Variants in RAG1 observed in about 807,000 individuals in gnomAD.
RAG1 encodes the protein recombination activating 1.
RAG1 carries 35 observed loss-of-function variants against 62.7 expected under a neutral mutation model. That is an observed-to-expected ratio of 0.56 (90% CI 0.43 to 0.74). RAG1 has a LOEUF of 0.74. RAG1 is among the 30% of genes least tolerant of loss of function. The probability of loss-of-function intolerance (pLI) is 0.00; values close to 1 mark genes in which losing one functional copy is unlikely to be tolerated. For synonymous variants in RAG1, 461 were observed against 470.3 expected, an observed-to-expected ratio of 0.98 and a Z score of 0.26; for missense variants, 1,169 against 1,278.6, an observed-to-expected ratio of 0.91 and a Z score of 1.31.
At chr11:36,521,309 C>T (rs551497968) in intron 2 of RAG1, among the ~76,000 whole-genome samples, 6 of 152,088 alleles carry the variant, frequency 3.9e-5, no homozygotes, top group Admixed American at 6.5e-5. Flanking sequence ...GGGAGGGACC[C>T]GGTAAAAGAT....
chr11:36,564,997 T>G (rs534819841), upstream of RAG1, among the ~76,000 whole-genome samples: 41 of 152,306 alleles, frequency 2.7e-4, no homozygotes, highest in African/African-American at 9.6e-4. Context: ...TTCCCTTCTG[T>G]GACATTGAAC....
chr11:36,566,815 G>A (rs1850668597), upstream of RAG1, among the ~76,000 whole-genome samples: 3 of 152,186 alleles, frequency 2.0e-5, no homozygotes, highest in African/African-American at 7.2e-5. Context: ...GAGCAGCTGT[G>A]GCCCCAGGGC....
intron 3 of RAG1, among the ~76,000 whole-genome samples, chr11:36,551,751 T>TC (rs1453216945): frequency 7.8e-6 from 1 of 127,958 alleles, no homozygotes; most frequent in African/African-American, 2.9e-5. Context: ...ATGCTATCCC[T>TC]CCCCCCTCCC....
Position 36,575,646 on chromosome 11 carries a change from G to A in RAG1, c.2342G>A (p.Gly781Glu). ...SVEELRDRVK[G>E]VSAKPFIETV... is the part of the protein sequence containing the mutation. ...GAAGAACTGCGGGATCGGGTGAAAG[G>A]GGTCTCAGCTAAACCTTTCATTGAG... The change falls in exon 2 of 2, where the codon GGG (glycine) becomes GAG (glutamate). Residue 781 changes from glycine to glutamate, a missense_variant. By Grantham distance (98) the Gly-to-Glu change is moderately conservative. Around this residue, in one of 2 missense-constraint regions of RAG1, gnomAD observed 800 missense variants for 943.3 expected, o/e 0.85. Transcript: ENST00000299440. The surrounding 1 kb of genome is among the most constrained non-coding windows in gnomAD (Gnocchi z 4.1). 1 of 1,614,192 alleles carries A rather than the reference G, an allele frequency of 6.2e-7. No individual in the cohort carries two copies. The highest frequency in any genetic ancestry group is 8.5e-7 in the Non-Finnish European group (1 of 1,180,030).
chr11:36,547,554 A>G (rs1256810111), intron 3 of RAG1, among the ~76,000 whole-genome samples: 3 of 152,188 alleles, frequency 2.0e-5, no homozygotes. Flanking sequence ...GGACACATAT[A>G]CCCTCCCAAG....
At chr11:36,510,775 T>A (rs1859907439) in exon 1 of RAG1, 1 of 152,324 alleles carries the variant, frequency 6.6e-6, no homozygotes, top group South Asian at 2.1e-4. Context: ...TTCTTTGAAT[T>A]TCCTGCCAAG....
chr11:36,536,113 T>C (rs1292029498), downstream of RAG1: 1 of 152,146 alleles, frequency 6.6e-6, no homozygotes, highest in Non-Finnish European at 1.5e-5. Context: ...GAAATATAAA[T>C]GGATGGAAGT....
chr11:36,566,779 G>A (rs1850668259), upstream of RAG1, among the ~76,000 whole-genome samples: 1 of 152,202 alleles, frequency 6.6e-6, no homozygotes, highest in African/African-American at 2.4e-5. Flanking sequence ...CAGTGTTACT[G>A]CAGTGGCTTC....
At chr11:36,517,268 C>T (rs765264266) in intron 1 of RAG1, among the ~76,000 whole-genome samples, 20 of 152,208 alleles carry the variant, frequency 1.3e-4, no homozygotes, top group Non-Finnish European at 2.1e-4. Flanking sequence ...ATATTTTCAT[C>T]GCAAACATAT....
intron 1 of RAG1, among the ~76,000 whole-genome samples, chr11:36,515,018 G>A (rs1286140762): frequency 3.9e-5 from 6 of 152,176 alleles, no homozygotes; most frequent in Non-Finnish European, 7.3e-5. Context: ...AGGAACTAAA[G>A]CAGCAGGCTT....
chr11:36,528,712 GT>G (rs201031906), intron 2 of RAG1, among the ~76,000 whole-genome samples: 38 of 151,812 alleles, frequency 2.5e-4, no homozygotes, highest in African/African-American at 7.7e-4. Flanking sequence ...TCCAGGAGAT[GT>G]TTTTTTTGAA....
upstream of RAG1, among the ~76,000 whole-genome samples, chr11:36,564,272 G>C (rs1850630277): frequency 1.3e-5 from 2 of 152,208 alleles, no homozygotes; most frequent in African/African-American, 4.8e-5. Context: ...CTTTGTGGAA[G>C]ACTGGAGTTA....
intron 3 of RAG1, among the ~76,000 whole-genome samples, chr11:36,557,545 A>C (rs34340782): frequency 0.021 from 3,179 of 151,294 alleles, 92 homozygotes; most frequent in African/African-American, 0.07. Flanking sequence ...GGTACCTCAG[A>C]TGGAAATGCA....
rs1450530320 is a variant in RAG1, at chr11:36,574,113, G to C, written c.809G>C (p.Ser270Thr). The C allele has an allele frequency of 1.9e-6, 3 of 1,614,224 alleles. No homozygotes were observed. The highest frequency in any genetic ancestry group is 1.3e-5 in the African/African-American group (1 of 75,058). The change falls in exon 2 of 2, where the codon AGT becomes ACT. Residue 270 changes from serine (S) to threonine (T), a missense_variant. Physicochemically the swap from Ser to Thr is moderately conservative, Grantham distance 58. This residue lies in a region of RAG1 where 369 missense variants were observed against 335.3 expected (regional missense o/e 1.10). Coordinates refer to ENST00000299440, the MANE Select transcript of RAG1 (RefSeq NM_000448.3). ...KDVMKKIANC[S>T]KIHLSTKLLA... ...GTCATGAAGAAGATCGCCAACTGCA[G>C]TAAGATACATCTTAGTACCAAGCTC...
intron 1 of RAG1, among the ~76,000 whole-genome samples, chr11:36,511,982 C>T (rs1461407983): frequency 6.6e-6 from 1 of 152,184 alleles, no homozygotes. Context: ...ACTCCAGCAC[C>T]AGGCTTTCAA....
rs538368859 is a variant in RAG1 at position 36,542,854 on chromosome 11, T to TA, written c.-412+6828dup. Reference sequence around the variant, plus strand: ...CTCTATATGTTATATACCTCCAGTGTAAAAAAAATAGAAAAAAACCTTATA... The same window carrying TA: ...CTCTATATGTTATATACCTCCAGTGTAAAAAAAAATAGAAAAAAACCTTATA... On this transcript the variant is annotated intron_variant and NMD_transcript_variant, in intron 3 of 9. Transcript: ENST00000534663. Among the ~76,000 whole-genome samples the TA allele has an allele frequency of 1.2e-3, 186 of 151,976 alleles. 1 individual carries two copies. The highest frequency in any genetic ancestry group is 3.7e-3 in the African/African-American group (155 of 41,466).
intron 1 of RAG1, among the ~76,000 whole-genome samples, chr11:36,519,922 C>T (rs1046350484): frequency 2.0e-5 from 3 of 152,184 alleles, no homozygotes; most frequent in African/African-American, 7.2e-5. Flanking sequence ...TCCTCCTTAA[C>T]ATTTTGAAAC....
chr11:36,543,179 C>T (rs1370400400), intron 3 of RAG1, among the ~76,000 whole-genome samples: 1 of 152,196 alleles, frequency 6.6e-6, no homozygotes, highest in East Asian at 1.9e-4. Context: ...GGCTGACCCT[C>T]TCAGGGTCTT....
chr11:36,570,561 A>G (rs898781829), intron 1 of RAG1, among the ~76,000 whole-genome samples: 23 of 152,182 alleles, frequency 1.5e-4, no homozygotes, highest in Non-Finnish European at 2.9e-4. Flanking sequence ...TGGATCATAT[A>G]ATAATTCTAT....
Sources: allele counts gnomAD v4.1 joint callset (sites outside exome capture counted in the v4.1 genomes callset), GRCh38; gene constraint gnomAD v4.1.1; regional missense constraint gnomAD v4.1.1; non-coding constraint Gnocchi (gnomAD v3.1); transcripts MANE v1.5; gene names NCBI Gene and HGNC (gene_info 2026-07-23, HGNC 2026-07-21).